Variants in CSMD3 observed in about 807,000 individuals in gnomAD.
The protein encoded by CSMD3 is CUB and sushi domain-containing protein 3.
A neutral mutation model predicts 435.2 loss-of-function variants in CSMD3; 177 were observed. That is an observed-to-expected ratio of 0.41 (90% CI 0.36 to 0.46). The LOEUF (loss-of-function observed/expected upper bound fraction) is 0.46. Ranked by LOEUF, CSMD3 falls within the 20% of genes least tolerant of loss-of-function variation. The pLI, the probability that CSMD3 is intolerant of heterozygous loss-of-function variation, is 0.34. For missense variants in CSMD3, 4,265 were observed against 4,504.6 expected (o/e 0.95, Z 1.52); for synonymous variants, 1,656 against 1,520.5 (o/e 1.09, Z -2.07).
At chr8:112,795,339 A>G (rs1043378740) in intron 13 of CSMD3, among the ~76,000 whole-genome samples, 10 of 152,204 alleles carry the variant, frequency 6.6e-5, no homozygotes, top group African/African-American at 2.2e-4. Flanking sequence ...CTATGAATAC[A>G]GTTAAAGGAG....
rs569341348 is a variant in CSMD3, at chr8:112,416,323, T to C, written c.5396-7291A>G. Among the ~76,000 whole-genome samples, 3 of 152,318 alleles carry C rather than the reference T, an allele frequency of 2.0e-5. No homozygotes were observed. In the East Asian group the frequency reaches 5.8e-4, roughly 29 times the overall value. ...TCATCCTGCCACCCTGTGAAGAAAG[T>C]GCCTGCTTCTCCTTTGCTTTCTACC... On this transcript the variant is annotated intron_variant, in intron 32 of 70. Transcript: ENST00000297405.
chr8:112,502,378 T>C (rs959813874), intron 30 of CSMD3, among the ~76,000 whole-genome samples: 1 of 152,184 alleles, frequency 6.6e-6, no homozygotes, highest in Non-Finnish European at 1.5e-5. Flanking sequence ...CTTTTTCTTG[T>C]GAAATGAGAG....
At chr8:112,915,947 T>G (rs1258739620) in intron 10 of CSMD3, among the ~76,000 whole-genome samples, 2 of 151,850 alleles carry the variant, frequency 1.3e-5, no homozygotes, top group Non-Finnish European at 2.9e-5. Context: ...AAGCAGTCAA[T>G]ATACTTCAGA....
chr8:112,366,719 G>A (rs573905575), intron 38 of CSMD3, among the ~76,000 whole-genome samples: 1 of 152,182 alleles, frequency 6.6e-6, no homozygotes, highest in Admixed American at 6.5e-5. Flanking sequence ...TTATAGTCCT[G>A]ATTTGGCTCC....
chr8:113,289,357 C>T (rs1423287411), intron 2 of CSMD3, among the ~76,000 whole-genome samples: 1 of 151,680 alleles, frequency 6.6e-6, no homozygotes, highest in Non-Finnish European at 1.5e-5. Flanking sequence ...TCTTCAAGTA[C>T]ATGCTATTGT....
rs1812400022 is a variant in CSMD3, at chr8:112,224,557, C to T, written c.*214G>A. On this transcript the variant is annotated 3_prime_UTR_variant, in exon 71 of 71. Transcript: ENST00000297405. Reference sequence around the variant, plus strand: ...AGCAAATAAACTGTGAGTAAGCACTCTCAGAGTGCAGCCAAATTTCTGTAA... The same window carrying T: ...AGCAAATAAACTGTGAGTAAGCACTTTCAGAGTGCAGCCAAATTTCTGTAA... The T allele has an allele frequency of 3.3e-6, 2 of 599,136 alleles. No individual in the cohort carries two copies. 37.1% of individuals were successfully genotyped at this position (599,136 alleles called of 1,614,324 possible).
intron 9 of CSMD3, among the ~76,000 whole-genome samples, chr8:112,925,565 T>A (rs985682708): frequency 2.9e-4 from 42 of 146,272 alleles, no homozygotes; most frequent in Non-Finnish European, 5.2e-4. Flanking sequence ...AAAAAAAAAA[T>A]TAAATATTTT....
chr8:112,306,262 G>T (rs2130789635), intron 50 of CSMD3, 70 bp from the exon 51 acceptor site: 3 of 1,162,600 alleles, frequency 2.6e-6, no homozygotes, highest in African/African-American at 1.5e-5. Flanking sequence ...TAACTCTGCT[G>T]AACTGTAAAA....
At chr8:113,411,059 G>C (rs1192209528) in intron 1 of CSMD3, among the ~76,000 whole-genome samples, 1 of 151,506 alleles carries the variant, frequency 6.6e-6, no homozygotes, top group Non-Finnish European at 1.5e-5. Flanking sequence ...AAGATAGGAA[G>C]GAAGGAAGGA....
At chr8:112,335,232 C>T (rs1468534392) in intron 45 of CSMD3, 97 bp downstream of exon 45, 2 of 1,212,284 alleles carry the variant, frequency 1.6e-6, no homozygotes, top group African/African-American at 1.5e-5. Context: ...AATTTTAATA[C>T]CTTTTCAATC....
chr8:112,742,460 T>C (rs922076150), intron 13 of CSMD3, among the ~76,000 whole-genome samples: 1 of 151,964 alleles, frequency 6.6e-6, no homozygotes, highest in Non-Finnish European at 1.5e-5. Flanking sequence ...TGGAAAGCTG[T>C]AAGGCTCTTT....
At chr8:113,370,553 C>T (rs1029192750) in intron 1 of CSMD3, among the ~76,000 whole-genome samples, 3 of 151,912 alleles carry the variant, frequency 2.0e-5, no homozygotes, top group African/African-American at 7.2e-5. Flanking sequence ...TTAAGCCATT[C>T]ACAAACACAT....
chr8:113,286,568 A>C (rs1367174404), intron 2 of CSMD3, among the ~76,000 whole-genome samples: 2 of 152,154 alleles, frequency 1.3e-5, no homozygotes, highest in East Asian at 3.9e-4. Context: ...AAAGCATATA[A>C]GAATCAGCAT....
intron 50 of CSMD3, among the ~76,000 whole-genome samples, chr8:112,308,960 A>G (rs1229726668): frequency 6.6e-6 from 1 of 152,060 alleles, no homozygotes; most frequent in Non-Finnish European, 1.5e-5. Context: ...TTCAATTAGT[A>G]ATGTCCAAAT....
intron 5 of CSMD3, among the ~76,000 whole-genome samples, chr8:113,048,228 G>C (rs1036863167): frequency 7.9e-5 from 12 of 151,916 alleles, no homozygotes; most frequent in African/African-American, 2.7e-4. Context: ...GAGTAGCTGG[G>C]ATTACAGGCG....
At chr8:113,001,326 T>G (rs2085855830) in intron 6 of CSMD3, among the ~76,000 whole-genome samples, 1 of 152,084 alleles carries the variant, frequency 6.6e-6, no homozygotes. Flanking sequence ...TTCAGATAAC[T>G]CTCACTTAAT....
At chr8:112,439,432 A>T (rs1814738229) in intron 32 of CSMD3, among the ~76,000 whole-genome samples, 1 of 152,096 alleles carries the variant, frequency 6.6e-6, no homozygotes, top group African/African-American at 2.4e-5. Context: ...AGCCACCGTG[A>T]CATACTTTTA....
chr8:112,512,776 T>A lies in CSMD3; in HGVS notation c.4756+4258A>T, dbSNP rs990196410. Among the ~76,000 whole-genome samples the A allele has an allele frequency of 3.3e-5, 5 of 152,194 alleles. 1 individual carries two copies. Among genetic ancestry groups the A allele is most frequent in the Admixed American group, 3.3e-4 (5 of 15,274 alleles). ...GCAATGAAAGTTCTAGATGACACTA[T>A]TCGAATAGAATGCTGTTTCATCTAC... On this transcript the variant is annotated intron_variant, in intron 28 of 70. Coordinates refer to ENST00000297405, the MANE Select transcript of CSMD3 (RefSeq NM_198123.2).
chr8:113,382,726 T>A (rs1266544784), intron 1 of CSMD3, among the ~76,000 whole-genome samples: 1 of 152,144 alleles, frequency 6.6e-6, no homozygotes, highest in African/African-American at 2.4e-5. Context: ...ATGCCTGTAA[T>A]CCCAGCACTT....
Sources: allele counts gnomAD v4.1 joint callset (sites outside exome capture counted in the v4.1 genomes callset), GRCh38; gene constraint gnomAD v4.1.1; transcripts MANE v1.5; gene names NCBI Gene and HGNC (gene_info 2026-07-23, HGNC 2026-07-21).